Variants in SLC9C2 observed in about 807,000 individuals in gnomAD.
SLC9C2 encodes sodium/hydrogen exchanger 11.
A neutral mutation model predicts 140.2 loss-of-function variants in SLC9C2; 75 were observed. The observed-to-expected ratio is 0.53, with a 90% CI of 0.44 to 0.65. The LOEUF (loss-of-function observed/expected upper bound fraction) is 0.65. Among genes scored for constraint, SLC9C2 ranks in the 30% least tolerant of loss-of-function variants. The pLI is 0.00. For missense variants in SLC9C2, 1,074 were observed against 1,331.8 expected (o/e 0.81, Z 3.01); for synonymous variants, 375 against 420.9 (o/e 0.89, Z 1.34).
chr1:173,518,132 G>A (rs1053085308), intron 22 of SLC9C2, among the ~76,000 whole-genome samples: 7 of 152,058 alleles, frequency 4.6e-5, no homozygotes, highest in Admixed American at 2.0e-4. Flanking sequence ...GCATGGTGAC[G>A]CATACTTGTA....
chr1:173,585,791 AC>A lies in SLC9C2; in HGVS notation c.523+1873del, dbSNP rs540028913. On this transcript the variant is annotated intron_variant, in intron 5 of 27. Transcript: ENST00000367714. Reference sequence around the variant, plus strand: ...AGATCAGCCTGGCCAACATGGCAAAACCCCCTCTCTACTAAAAAATACAAAA... The same window carrying A: ...AGATCAGCCTGGCCAACATGGCAAAACCCCTCTCTACTAAAAAATACAAAA... Among the ~76,000 whole-genome samples, 8 of 152,028 alleles carry A rather than the reference AC, an allele frequency of 5.3e-5. No homozygotes were observed. The South Asian group carries it at 1.7e-3, about 32-fold the overall frequency.
rs532669567 is a variant in SLC9C2 at position 173,592,559 on chromosome 1, T to C, written c.358-4729A>G. ...TAGCAGTGTTTTGTAGTTCTCATTG[T>C]AGAGATCTTTCACCTCCCTGGTAAG... On this transcript the variant is annotated intron_variant, in intron 4 of 27. Transcript: ENST00000367714. 3.7e-4 allele frequency among the ~76,000 whole-genome samples: 57 copies of C among 152,322 alleles called. 2 individuals are homozygous for C. The South Asian group carries it at 0.012, about 31-fold the overall frequency.
intron 24 of SLC9C2, 80 bp downstream of exon 24, chr1:173,509,488 C>A: frequency 7.8e-7 from 1 of 1,289,294 alleles, no homozygotes; most frequent in Non-Finnish European, 1.0e-6. Flanking sequence ...CTATTTTTGT[C>A]TCAAAAATAT....
chr1:173,583,402 C>T, intron 6 of SLC9C2, 104 bp downstream of exon 6: 1 of 613,708 alleles, frequency 1.6e-6, no homozygotes, highest in Non-Finnish European at 2.8e-6. Context: ...TGTAATCAGC[C>T]CAAAAGTAAA....
chr1:173,580,035 A>G (rs1665421149), intron 7 of SLC9C2, among the ~76,000 whole-genome samples: 1 of 152,196 alleles, frequency 6.6e-6, no homozygotes, highest in Non-Finnish European at 1.5e-5. Context: ...TGTGCTGGTA[A>G]ATGTTTAAAG....
intron 9 of SLC9C2, among the ~76,000 whole-genome samples, chr1:173,565,299 G>A (rs1298120047): frequency 6.6e-6 from 1 of 152,166 alleles, no homozygotes; most frequent in Non-Finnish European, 1.5e-5. Flanking sequence ...GTGTCCTAGA[G>A]GGTTTCCCCA....
chr1:173,545,051 C>T (rs979763213), intron 13 of SLC9C2, among the ~76,000 whole-genome samples: 3 of 151,990 alleles, frequency 2.0e-5, no homozygotes, highest in Non-Finnish European at 4.4e-5. Flanking sequence ...TAAAATATGG[C>T]CTCTGCTTCC....
At chr1:173,576,085 C>G (rs1366801590) in intron 8 of SLC9C2, among the ~76,000 whole-genome samples, 1 of 152,156 alleles carries the variant, frequency 6.6e-6, no homozygotes, top group Non-Finnish European at 1.5e-5. Context: ...TTGTTTTCAT[C>G]TGATGTGGGA....
In SLC9C2 at chr1:173,526,723, A is replaced by C. The variant is rs765738700; in HGVS notation, c.2314-9T>G. ...AAAATTTCACATAGTTTCTGTAAAA[A>C]ATTAAGAAAAACATGTATTTCTTAT... On this transcript the variant is annotated splice_polypyrimidine_tract_variant and intron_variant, in intron 18 of 27. Coordinates refer to ENST00000367714, the MANE Select transcript of SLC9C2 (RefSeq NM_178527.4). 140 of 1,530,246 alleles carry C rather than the reference A, an allele frequency of 9.1e-5. No homozygotes were observed. The highest frequency in any genetic ancestry group is 1.1e-4 in the Non-Finnish European group (132 of 1,154,218). The allele number at this position is 1,530,246 out of a possible 1,614,324, so 94.8% of individuals were successfully genotyped here.
chr1:173,528,634 T>C (rs1298812883), intron 18 of SLC9C2, among the ~76,000 whole-genome samples: 1 of 152,182 alleles, frequency 6.6e-6, no homozygotes, highest in East Asian at 1.9e-4. Flanking sequence ...AAAGAGCCTC[T>C]CTTGACTGAG....
At chr1:173,602,428 G>T (rs1308707950) in intron 1 of SLC9C2, among the ~76,000 whole-genome samples, 1 of 152,212 alleles carries the variant, frequency 6.6e-6, no homozygotes, top group Admixed American at 6.5e-5. Context: ...AAGGTTGGGG[G>T]TGAGGATAAG....
At chr1:173,531,420 T>C (rs34025932) in intron 17 of SLC9C2, among the ~76,000 whole-genome samples, 12 of 152,224 alleles carry the variant, frequency 7.9e-5, no homozygotes, top group Non-Finnish European at 1.6e-4. Flanking sequence ...TCTGCCTTTC[T>C]TTATGGCCCA....
At chr1:173,556,296 T>C (rs892009217) in intron 10 of SLC9C2, among the ~76,000 whole-genome samples, 7 of 152,142 alleles carry the variant, frequency 4.6e-5, no homozygotes, top group Non-Finnish European at 8.8e-5. Flanking sequence ...TTGCCTGGAA[T>C]GTCAGATGCA....
At position 173,535,896 on chromosome 1, in the gene SLC9C2, A is replaced by G; in HGVS notation, c.1709T>C (p.Ile570Thr). 1 of 1,514,566 alleles carries G rather than the reference A, an allele frequency of 6.6e-7. No individual in the cohort carries two copies. Among genetic ancestry groups the G allele is most frequent in the Non-Finnish European group, 8.9e-7 (1 of 1,127,024 alleles). 93.8% of individuals were successfully genotyped at this position (1,514,566 alleles called of 1,614,324 possible). ...STYMRTRSWL[I>T]KFKNVLTFLE... Reference sequence around the variant, plus strand: ...GAAAGTTAAAACATTTTTAAACTTTATAAGCCAACTTCTAGTTCTCATATA... The same window carrying G: ...GAAAGTTAAAACATTTTTAAACTTTGTAAGCCAACTTCTAGTTCTCATATA... Residue 570 changes from isoleucine to threonine, a missense_variant, in exon 15 of 28, where the codon ATA becomes ACA. By Grantham distance (89) the Ile-to-Thr change is moderately conservative. Coordinates refer to ENST00000367714, the MANE Select transcript of SLC9C2 (RefSeq NM_178527.4).
At chr1:173,569,652 C>T (rs1273086742) in intron 9 of SLC9C2, among the ~76,000 whole-genome samples, 12 of 151,768 alleles carry the variant, frequency 7.9e-5, no homozygotes, top group Admixed American at 5.9e-4. Flanking sequence ...TTTTCTTTTG[C>T]GTCTTCTGAC....
chr1:173,507,079 A>G, intron 24 of SLC9C2, 38 bp from the exon 25 acceptor site: 4 of 1,436,790 alleles, frequency 2.8e-6, no homozygotes, highest in Non-Finnish European at 3.8e-6. Context: ...AAGTCATACA[A>G]ACTGACAGAT....
At chr1:173,526,570 A>G in intron 19 of SLC9C2, 93 bp downstream of exon 19, 2 of 1,146,482 alleles carry the variant, frequency 1.7e-6, no homozygotes, top group Admixed American at 4.7e-5. Flanking sequence ...TAAATGAATG[A>G]GCAAGTAAAT....
intron 24 of SLC9C2, among the ~76,000 whole-genome samples, chr1:173,508,268 GA>G (rs921151373): frequency 2.7e-5 from 4 of 148,136 alleles, no homozygotes; most frequent in Middle Eastern, 3.5e-3. Flanking sequence ...TTCTTTAATG[GA>G]AAAAAAAAGA....
chr1:173,559,284 C>T (rs915985430), intron 9 of SLC9C2, among the ~76,000 whole-genome samples: 2 of 152,228 alleles, frequency 1.3e-5, no homozygotes, highest in African/African-American at 4.8e-5. Context: ...GATGCTCCCC[C>T]TGCCCTGCCT....
Sources: allele counts gnomAD v4.1 joint callset (sites outside exome capture counted in the v4.1 genomes callset), GRCh38; gene constraint gnomAD v4.1.1; transcripts MANE v1.5; gene names NCBI Gene and HGNC (gene_info 2026-07-23, HGNC 2026-07-21).